Variants in SPATS2 observed in about 807,000 individuals in gnomAD.
SPATS2 encodes spermatogenesis-associated serine-rich protein 2.
Under a neutral mutation model 63.7 loss-of-function variants are expected in SPATS2, and 38 were observed. The ratio of observed to expected loss-of-function variants is 0.60; its 90% CI spans 0.46 to 0.78. The LOEUF (loss-of-function observed/expected upper bound fraction) is 0.78, where lower values mean the gene tolerates loss of function less well. Ranked by LOEUF, SPATS2 falls within the 30% of genes least tolerant of loss-of-function variation. SPATS2 has a pLI of 0.00. For missense variants in SPATS2, 588 were observed against 666.2 expected (o/e 0.88, Z 1.29); for synonymous variants, 207 against 232.9 (o/e 0.89, Z 1.01).
intron 2 of SPATS2, among the ~76,000 whole-genome samples, chr12:49,435,573 G>A (rs1045954389): frequency 1.3e-5 from 2 of 150,522 alleles, no homozygotes; most frequent in African/African-American, 2.4e-5. Flanking sequence ...TGATCCGCCC[G>A]CCTCAGCCTC....
intron 2 of SPATS2, among the ~76,000 whole-genome samples, chr12:49,446,150 C>T (rs1353918165): frequency 2.0e-5 from 3 of 151,932 alleles, no homozygotes; most frequent in Non-Finnish European, 2.9e-5. Context: ...GTGATCTGCC[C>T]GCCTTGACCT....
At chr12:49,441,873 A>G (rs752362385) in intron 2 of SPATS2, 2 of 152,152 alleles carry the variant, frequency 1.3e-5, no homozygotes, top group African/African-American at 2.4e-5. Context: ...CAAATTTTTC[A>G]CCTTTCACAG....
At chr12:49,501,475 A>G (rs1385706274) in intron 9 of SPATS2, among the ~76,000 whole-genome samples, 1 of 152,134 alleles carries the variant, frequency 6.6e-6, no homozygotes, top group Non-Finnish European at 1.5e-5. Context: ...ACCTCTCACC[A>G]CTGTAGCACT....
intron 5 of SPATS2, chr12:49,490,100 T>G (rs546305723): frequency 1.3e-5 from 2 of 153,140 alleles, no homozygotes; most frequent in Non-Finnish European, 2.9e-5. Context: ...CTTCCTTCCA[T>G]GTAACCTGTT....
At chr12:49,412,369 G>A (rs1468431137) in intron 2 of SPATS2, among the ~76,000 whole-genome samples, 2 of 151,770 alleles carry the variant, frequency 1.3e-5, no homozygotes, top group East Asian at 1.9e-4. Context: ...TAATTTTTGT[G>A]TTTTTGGTAG....
At chr12:49,437,422 G>C (rs564095996) in intron 2 of SPATS2, among the ~76,000 whole-genome samples, 1 of 152,310 alleles carries the variant, frequency 6.6e-6, no homozygotes, top group East Asian at 1.9e-4. Flanking sequence ...CTTCCCAGAC[G>C]GGGTGGTGGC....
intron 4 of SPATS2, among the ~76,000 whole-genome samples, chr12:49,488,635 G>GT (rs1946334924): frequency 6.6e-6 from 1 of 152,038 alleles, no homozygotes. Flanking sequence ...TCCAGCCTGG[G>GT]TGACAGAGCG....
In SPATS2 at chr12:49,526,324, T is replaced by C; in HGVS notation, c.*69T>C. 2.7e-6 allele frequency: 4 copies of C among 1,493,960 alleles called. No individual in the cohort carries two copies. Among genetic ancestry groups the C allele is most frequent in the Non-Finnish European group, 3.6e-6 (4 of 1,119,594 alleles). The allele number at this position is 1,493,960 out of a possible 1,614,324, so 92.5% of individuals were successfully genotyped here. On this transcript the variant is annotated 3_prime_UTR_variant, in exon 14 of 14. Transcript: ENST00000552918. ...CTTGATAACTGGACTTTAGGAAACTTACAGTTAGATGTAATAACAAAAAGA... is the reference window on the plus strand; with the variant it reads ...CTTGATAACTGGACTTTAGGAAACTCACAGTTAGATGTAATAACAAAAAGA...
intron 2 of SPATS2, among the ~76,000 whole-genome samples, chr12:49,418,186 C>T (rs1565711853): frequency 7.1e-6 from 1 of 140,446 alleles, no homozygotes. Context: ...GCAATCATGG[C>T]TCACTGCAGC....
Position 49,410,363 on chromosome 12 carries a change from A to G in SPATS2, c.-244+39073A>G, listed in dbSNP as rs981037736. On this transcript the variant is annotated intron_variant, in intron 2 of 13. Transcript: ENST00000552918. The stretch of plus-strand genomic sequence containing the variant: ...AGCACTGGTATTACAGGTGTGAGCC[A>G]CCGTGCCCAGCCTGTTCTATACATG... 2.0e-5 allele frequency among the ~76,000 whole-genome samples: 3 copies of G among 152,146 alleles called. No homozygotes were observed. In the South Asian group the frequency reaches 6.3e-4, roughly 32 times the overall value.
intron 2 of SPATS2, chr12:49,389,506 A>G (rs1206630083): frequency 3.4e-6 from 3 of 884,440 alleles, no homozygotes; most frequent in South Asian, 2.6e-5. Flanking sequence ...AGCAGGATAT[A>G]TCTTTAGAAA....
chr12:49,480,740 A>G (rs992714202), intron 3 of SPATS2, among the ~76,000 whole-genome samples: 1 of 150,552 alleles, frequency 6.6e-6, no homozygotes, highest in Non-Finnish European at 1.5e-5. Context: ...CATTTCCACT[A>G]GCAGTGCCCC....
At chr12:49,438,719 C>T (rs143430574) in intron 2 of SPATS2, among the ~76,000 whole-genome samples, 82 of 152,268 alleles carry the variant, frequency 5.4e-4, no homozygotes, top group Non-Finnish European at 8.1e-4. Flanking sequence ...CAGCAAAATG[C>T]ACACATTTAA....
chr12:49,395,705 C>A (rs12305870), intron 2 of SPATS2, among the ~76,000 whole-genome samples: 1 of 151,914 alleles, frequency 6.6e-6, no homozygotes, highest in Admixed American at 6.6e-5. Context: ...GGATTACAGG[C>A]ATGAGCCACT....
intron 10 of SPATS2, among the ~76,000 whole-genome samples, 182 bp from the exon 11 acceptor site, chr12:49,518,891 A>C (rs1342664448): frequency 6.6e-6 from 1 of 152,236 alleles, no homozygotes; most frequent in African/African-American, 2.4e-5. Context: ...AATATTTACC[A>C]CTTAACTGCC....
chr12:49,498,145 A>AAAAAATATATATATAT (rs66900382), intron 8 of SPATS2, among the ~76,000 whole-genome samples: 76 of 98,930 alleles, frequency 7.7e-4, no homozygotes, highest in Non-Finnish European at 1.1e-3. Context: ...AAAAAAAAAA[A>AAAAAATATATATATAT]ATATATATAT....
At chr12:49,435,594 A>G (rs1224746609) in intron 2 of SPATS2, among the ~76,000 whole-genome samples, 7 of 142,670 alleles carry the variant, frequency 4.9e-5, no homozygotes, top group Admixed American at 1.4e-4. Context: ...CCAAAGTGCT[A>G]GGATAACAGG....
At chr12:49,387,030 A>G (rs1388251854) in intron 2 of SPATS2, 1 of 152,212 alleles carries the variant, frequency 6.6e-6, no homozygotes, top group Admixed American at 6.5e-5. Context: ...AGGATATTCG[A>G]TGTAAGGTTT....
At chr12:49,458,403 G>C (rs1945757252) in intron 2 of SPATS2, among the ~76,000 whole-genome samples, 1 of 152,114 alleles carries the variant, frequency 6.6e-6, no homozygotes, top group Non-Finnish European at 1.5e-5. Context: ...AGGAGGCAAA[G>C]GTTGCAGCGA....
Sources: gnomAD v4.1 joint callset for allele counts (sites outside exome capture counted in the v4.1 genomes callset) on GRCh38, gnomAD v4.1.1 for gene constraint, MANE v1.5 for transcripts, NCBI Gene and HGNC (gene_info 2026-07-23, HGNC 2026-07-21) for gene names.